The following RFPL1 variants were observed in gnomAD, a reference collection of about 807,000 sequenced individuals.
The protein encoded by RFPL1 is ret finger protein like 1, also known as ret finger protein-like 1.
Under a neutral mutation model 9.6 loss-of-function variants are expected in RFPL1, and 6 were observed. The observed-to-expected ratio is 0.62, with a 90% CI of 0.34 to 1.23. The LOEUF is 1.23. Ranked by LOEUF, RFPL1 falls within the 50% of genes most tolerant of loss-of-function variation. RFPL1 has a pLI of 0.03. For synonymous variants in RFPL1, 145 were observed against 149.4 expected (o/e 0.97, Z 0.22); for missense variants, 352 against 398.4 (o/e 0.88, Z 0.99).
the RFPL1 span, among the ~76,000 whole-genome samples, chr22:29,425,203 CAAA>C: frequency 3.8e-5 from 3 of 78,538 alleles, no homozygotes; most frequent in African/African-American, 4.4e-5. Flanking sequence ...GACTCCGTCT[CAAA>C]AAAAAAAAAA....
At chr22:29,431,053 T>A in the RFPL1 span, among the ~76,000 whole-genome samples, 1 of 151,966 alleles carries the variant, frequency 6.6e-6, no homozygotes, top group Non-Finnish European at 1.5e-5. Context: ...AAGCAGGATG[T>A]AAATGAGAGG....
At chr22:29,423,811 G>A in the RFPL1 span, among the ~76,000 whole-genome samples, 1 of 152,178 alleles carries the variant, frequency 6.6e-6, no homozygotes, top group Non-Finnish European at 1.5e-5. Context: ...TGTGGAAAGG[G>A]CTAGAATCTA....
the RFPL1 span, among the ~76,000 whole-genome samples, chr22:29,406,308 A>G: frequency 6.6e-6 from 1 of 151,680 alleles, no homozygotes; most frequent in Non-Finnish European, 1.5e-5. Flanking sequence ...CAGACATTGA[A>G]TGATTGAACA....
exon 2 of RFPL1, chr22:29,441,575 A>C: frequency 6.3e-7 from 1 of 1,592,490 alleles, no homozygotes; most frequent in Non-Finnish European, 8.6e-7. Flanking sequence ...ACAGCCAACA[A>C]CTTCCTCCTC....
upstream of RFPL1, among the ~76,000 whole-genome samples, chr22:29,435,661 T>A (rs1024026229): frequency 1.3e-5 from 2 of 152,136 alleles, no homozygotes; most frequent in African/African-American, 4.8e-5. Context: ...AGTGATCTCA[T>A]CCCATTGTAC....
At chr22:29,431,240 G>A in the RFPL1 span, among the ~76,000 whole-genome samples, 1 of 152,100 alleles carries the variant, frequency 6.6e-6, no homozygotes, top group Non-Finnish European at 1.5e-5. Context: ...AGAGAGCAAG[G>A]GCTGCAGGAT....
At chr22:29,394,572 C>T in the RFPL1 span, among the ~76,000 whole-genome samples, 1 of 152,100 alleles carries the variant, frequency 6.6e-6, no homozygotes, top group Admixed American at 6.5e-5. Flanking sequence ...GAACCCCTGA[C>T]CTCAGGTGAT....
chr22:29,425,967 G>A, the RFPL1 span, among the ~76,000 whole-genome samples: 2 of 152,116 alleles, frequency 1.3e-5, no homozygotes, highest in African/African-American at 2.4e-5. Flanking sequence ...TTAGAGACAC[G>A]AATGGAATAT....
intron 1 of RFPL1, chr22:29,441,314 C>T (rs2062837696): frequency 1.8e-6 from 1 of 549,910 alleles, no homozygotes; most frequent in East Asian, 2.9e-5. Flanking sequence ...AAACACGTGA[C>T]ATAAAGTAAA....
chr22:29,434,632 T>G (rs2062800336), upstream of RFPL1: 1 of 152,822 alleles, frequency 6.5e-6, no homozygotes, highest in Non-Finnish European at 1.5e-5. Flanking sequence ...AGGCAAATAA[T>G]GGGATTTGGG....
chr22:29,411,074 C>T, the RFPL1 span, among the ~76,000 whole-genome samples: 267 of 152,222 alleles, frequency 1.8e-3, no homozygotes, highest in African/African-American at 6.1e-3. Flanking sequence ...CCAGCTTCTA[C>T]GGTGAATCCA....
the RFPL1 span, among the ~76,000 whole-genome samples, chr22:29,415,031 T>G: frequency 6.6e-6 from 1 of 151,944 alleles, no homozygotes; most frequent in South Asian, 2.1e-4. Flanking sequence ...GGCACGCCCG[T>G]TCGTCAAGCA....
the RFPL1 span, among the ~76,000 whole-genome samples, chr22:29,400,617 T>TG: frequency 7.2e-3 from 1,100 of 152,032 alleles, 4 homozygotes; most frequent in African/African-American, 8.4e-3. Context: ...CTCATCTTTA[T>TG]GGGGGGGGAA....
At chr22:29,418,860 A>G in the RFPL1 span, among the ~76,000 whole-genome samples, 1 of 152,280 alleles carries the variant, frequency 6.6e-6, no homozygotes, top group African/African-American at 2.4e-5. Flanking sequence ...TTCCCCAGCC[A>G]GTACTGATCC....
the RFPL1 span, among the ~76,000 whole-genome samples, chr22:29,412,323 T>C: frequency 6.6e-6 from 1 of 152,210 alleles, no homozygotes; most frequent in South Asian, 2.1e-4. Flanking sequence ...TGTTGGCCAA[T>C]GGTTGTCTGG....
At chr22:29,389,832 T>C in the RFPL1 span, among the ~76,000 whole-genome samples, 18 of 151,960 alleles carry the variant, frequency 1.2e-4, no homozygotes, top group Non-Finnish European at 5.9e-5. Context: ...AGGGTCTCGC[T>C]CTGTTGCCCG....
At chr22:29,394,610 G>A in the RFPL1 span, among the ~76,000 whole-genome samples, 1 of 152,240 alleles carries the variant, frequency 6.6e-6, no homozygotes, top group Non-Finnish European at 1.5e-5. Context: ...CCAAAGTGCT[G>A]GGATTACAGG....
At chr22:29,428,043 C>G in the RFPL1 span, among the ~76,000 whole-genome samples, 6 of 152,182 alleles carry the variant, frequency 3.9e-5, no homozygotes, top group Admixed American at 1.3e-4. Context: ...GGCTTCTGTT[C>G]ATAAGTCCCT....
At chr22:29,399,983 GCTTTT>G in the RFPL1 span, among the ~76,000 whole-genome samples, 11 of 143,990 alleles carry the variant, frequency 7.6e-5, no homozygotes, top group Non-Finnish European at 1.0e-4. Context: ...GGTGTATCAA[GCTTTT>G]CTTTTCTTTT....
Sources: allele counts gnomAD v4.1 joint callset (sites outside exome capture counted in the v4.1 genomes callset), GRCh38; gene constraint gnomAD v4.1.1; transcripts MANE v1.5; gene names NCBI Gene and HGNC (gene_info 2026-07-23, HGNC 2026-07-21).